The following DCLK1 variants were observed in gnomAD, a reference collection of about 807,000 sequenced individuals.
The protein encoded by DCLK1 is serine/threonine-protein kinase DCLK1.
DCLK1 carries 16 observed loss-of-function variants against 86.2 expected under a neutral mutation model. That is an observed-to-expected ratio of 0.19 (90% CI 0.13 to 0.28). The LOEUF (loss-of-function observed/expected upper bound fraction) is 0.28. DCLK1 is among the 10% of genes least tolerant of loss of function. The pLI is 1.00. For synonymous variants in DCLK1, 369 were observed against 370.5 expected, an observed-to-expected ratio of 1.00 and a Z score of 0.05; for missense variants, 590 against 940.2, an observed-to-expected ratio of 0.63 and a Z score of 4.87.
In DCLK1 at chr13:36,045,328, GTGTGTATA is replaced by G. The variant is rs1214487633; in HGVS notation, c.723+66533_723+66540del. On this transcript the variant is annotated intron_variant, in intron 3 of 16. Coordinates refer to ENST00000360631, the MANE Select transcript of DCLK1 (RefSeq NM_001330071.2). Reference sequence around the variant, plus strand: ...TATATATGTCTATATATGTGTGTGTGTGTGTATATATATATATATATATATATATATAT... The same window carrying G: ...TATATATGTCTATATATGTGTGTGTGTATATATATATATATATATATATAT... Among the ~76,000 whole-genome samples the G allele has an allele frequency of 3.8e-4, 17 of 45,230 alleles. No homozygotes were observed. The East Asian group carries it at 7.9e-3, about 21-fold the overall frequency. 29.7% of individuals were successfully genotyped at this position (45,230 alleles called of 152,430 possible). A position where few individuals can be genotyped will look rare whatever the true frequency, so the allele number is the denominator to read the frequency against.
At chr13:36,124,412 A>C (rs1010038582) in intron 2 of DCLK1, among the ~76,000 whole-genome samples, 4 of 152,242 alleles carry the variant, frequency 2.6e-5, no homozygotes, top group Non-Finnish European at 4.4e-5. Flanking sequence ...AAGGGATGTG[A>C]ATTCCCACAA....
chr13:35,901,343 A>G (rs1347257397), intron 4 of DCLK1, among the ~76,000 whole-genome samples: 2 of 151,936 alleles, frequency 1.3e-5, no homozygotes, highest in African/African-American at 4.8e-5. Context: ...AAAAAAAATT[A>G]GCTGGGTATG....
intron 4 of DCLK1, among the ~76,000 whole-genome samples, chr13:35,940,169 C>T (rs151088223): frequency 0.015 from 2,138 of 147,338 alleles, 27 homozygotes; most frequent in Non-Finnish European, 0.021. Flanking sequence ...TGCAGTGAGC[C>T]GAGATCACGC....
At chr13:36,111,796 T>G (rs1353065548) in intron 3 of DCLK1, 73 bp downstream of exon 3, 1 of 1,392,220 alleles carries the variant, frequency 7.2e-7, no homozygotes, top group African/African-American at 1.4e-5. Context: ...AAATGTATGC[T>G]TTAGCCACGT....
At position 35,864,564 on chromosome 13, in the gene DCLK1, C is replaced by CAAAAA. The variant is rs1191888940; in HGVS notation, c.940+6655_940+6659dup. Among the ~76,000 whole-genome samples, 38 of 20,736 alleles carry CAAAAA rather than the reference C, an allele frequency of 1.8e-3. 1 individual carries two copies. Among genetic ancestry groups the CAAAAA allele is most frequent in the African/African-American group, 0.011 (34 of 2,966 alleles). 13.6% of individuals were successfully genotyped at this position (20,736 alleles called of 152,430 possible). On this transcript the variant is annotated intron_variant, in intron 5 of 16. Coordinates refer to ENST00000360631, the MANE Select transcript of DCLK1 (RefSeq NM_001330071.2). ...TGGGCGACAGAGCGAGACTCCGTCT[C>CAAAAA]AAAAAAAAAAAAAAAAAAAAAAAAA...
intron 4 of DCLK1, among the ~76,000 whole-genome samples, chr13:35,937,465 C>T (rs1189697945): frequency 6.6e-6 from 1 of 152,108 alleles, no homozygotes; most frequent in Admixed American, 6.6e-5. Flanking sequence ...GTCATCAACC[C>T]TCCCCTTGTC....
chr13:35,971,171 G>A (rs942807656), intron 3 of DCLK1, among the ~76,000 whole-genome samples: 2 of 152,198 alleles, frequency 1.3e-5, no homozygotes, highest in African/African-American at 4.8e-5. Flanking sequence ...AAGTGACTGT[G>A]CTATGTCAGG....
chr13:35,943,586 A>G (rs974155797), intron 4 of DCLK1, among the ~76,000 whole-genome samples: 9 of 152,178 alleles, frequency 5.9e-5, no homozygotes, highest in Non-Finnish European at 1.3e-4. Flanking sequence ...CCGAGCACGC[A>G]GCAGGCCTGG....
At chr13:35,998,934 ATT>A (rs1880591080) in intron 3 of DCLK1, among the ~76,000 whole-genome samples, 1 of 152,104 alleles carries the variant, frequency 6.6e-6, no homozygotes, top group African/African-American at 2.4e-5. Context: ...GTGATAAAGG[ATT>A]TTGATTTTTA....
chr13:35,807,354 T>C (rs1228481696), intron 14 of DCLK1, among the ~76,000 whole-genome samples: 1 of 152,232 alleles, frequency 6.6e-6, no homozygotes, highest in Admixed American at 6.5e-5. Context: ...TTTAGTTTCA[T>C]GGGATAAAAA....
At chr13:36,119,096 C>T (rs1885891984) in intron 2 of DCLK1, among the ~76,000 whole-genome samples, 2 of 152,040 alleles carry the variant, frequency 1.3e-5, no homozygotes, top group South Asian at 4.1e-4. Context: ...AGAGCTGGAA[C>T]ATGAGAGAAA....
Position 36,035,814 on chromosome 13 carries a change from C to T in DCLK1, c.723+76055G>A, listed in dbSNP as rs150843111. Among the ~76,000 whole-genome samples the T allele has an allele frequency of 3.2e-3, 487 of 152,076 alleles. 5 individuals carry two copies. Among genetic ancestry groups the T allele is most frequent in the African/African-American group, 0.011 (473 of 41,500 alleles). ...TTACAATTCCTAGACAAGCACTGGT[C>T]AATTATAATCAACATAAGTTTTAGG... On this transcript the variant is annotated intron_variant, in intron 3 of 16. Coordinates refer to ENST00000360631, the MANE Select transcript of DCLK1 (RefSeq NM_001330071.2).
intron 5 of DCLK1, 79 bp from the exon 6 acceptor site, chr13:35,854,672 T>C (rs1284852108): frequency 3.1e-6 from 4 of 1,292,160 alleles, no homozygotes; most frequent in East Asian, 2.5e-5. Context: ...CTGCAAGAAA[T>C]AAACAATTAT....
chr13:35,995,632 C>G lies in DCLK1; in HGVS notation c.724-48175G>C, dbSNP rs564132413. Among the ~76,000 whole-genome samples the G allele has an allele frequency of 7.9e-5, 12 of 152,296 alleles. No homozygotes were observed. In the South Asian group the frequency reaches 1.9e-3, roughly 24 times the overall value. The stretch of plus-strand genomic sequence containing the variant: ...TTACCATTCTGAATGGAAATTTCAC[C>G]TCTTCCCAACTCATTAGAATACACT... On this transcript the variant is annotated intron_variant, in intron 3 of 16. Transcript: ENST00000360631.
intron 4 of DCLK1, among the ~76,000 whole-genome samples, chr13:35,940,240 T>C (rs1877008061): frequency 7.0e-6 from 1 of 143,496 alleles, no homozygotes; most frequent in Non-Finnish European, 1.5e-5. Context: ...AAAAATAAGT[T>C]AGTATGAAGG....
At chr13:35,832,037 C>T (rs1002325416) in intron 8 of DCLK1, among the ~76,000 whole-genome samples, 1 of 152,044 alleles carries the variant, frequency 6.6e-6, no homozygotes, top group African/African-American at 2.4e-5. Flanking sequence ...TCACACCTGT[C>T]GTCCCAGCAT....
At chr13:36,011,783 T>G (rs1180859685) in intron 3 of DCLK1, among the ~76,000 whole-genome samples, 7 of 150,722 alleles carry the variant, frequency 4.6e-5, no homozygotes, top group South Asian at 4.2e-4. Context: ...GGGTATCCTT[T>G]TTGACTTTCT....
chr13:35,933,600 C>A (rs1030759395), intron 4 of DCLK1, among the ~76,000 whole-genome samples: 2 of 152,226 alleles, frequency 1.3e-5, no homozygotes, highest in African/African-American at 4.8e-5. Flanking sequence ...AGACTTGGGG[C>A]TTGCACCATC....
intron 3 of DCLK1, among the ~76,000 whole-genome samples, chr13:36,078,092 G>C (rs1234560174): frequency 6.0e-4 from 92 of 152,250 alleles, no homozygotes; most frequent in South Asian, 2.1e-4. Flanking sequence ...AATCATGAGG[G>C]TGGAGCCCCC....
Sources: gnomAD v4.1 joint callset for allele counts (sites outside exome capture counted in the v4.1 genomes callset) on GRCh38, gnomAD v4.1.1 for gene constraint, MANE v1.5 for transcripts, NCBI Gene and HGNC (gene_info 2026-07-23, HGNC 2026-07-21) for gene names.